CAPN8: variants seen among roughly 807,000 people sequenced by gnomAD.
The protein encoded by CAPN8 is calpain-8.
Under a neutral mutation model 80.9 loss-of-function variants are expected in CAPN8, and 87 were observed. The observed-to-expected ratio is 1.07, with a 90% CI of 0.90 to 1.28. The LOEUF (loss-of-function observed/expected upper bound fraction) is 1.28, where lower values mean the gene tolerates loss of function less well. Among genes scored for constraint, CAPN8 ranks in the 50% most tolerant of loss-of-function variants. The pLI, the probability that CAPN8 is intolerant of heterozygous loss-of-function variation, is 0.00. For missense variants in CAPN8, 757 were observed against 702.0 expected (o/e 1.08, Z -0.89); for synonymous variants, 299 against 273.8 (o/e 1.09, Z -0.91).
intron 19 of CAPN8, among the ~76,000 whole-genome samples, chr1:223,543,811 A>T (rs1656538581): frequency 6.6e-6 from 1 of 152,234 alleles, no homozygotes; most frequent in Admixed American, 6.5e-5. Context: ...GATGCGCAAT[A>T]GTCTGGATGG....
In CAPN8 at chr1:223,543,610, T is replaced by A. The variant is rs564339279; in HGVS notation, c.2030-444A>T. ...GGAAAAATCCCTTCCTAATAAGATA[T>A]CTAATCTCAAGGCCCAAGATGGCAG... On this transcript the variant is annotated intron_variant, in intron 19 of 20. Transcript: ENST00000366872. 2.6e-5 allele frequency among the ~76,000 whole-genome samples: 4 copies of A among 152,146 alleles called. No individual in the cohort carries two copies. The East Asian group carries it at 7.7e-4, about 29-fold the overall frequency.
chr1:223,650,985 G>C (rs1300127229), intron 2 of CAPN8, among the ~76,000 whole-genome samples: 1 of 152,188 alleles, frequency 6.6e-6, no homozygotes, highest in Non-Finnish European at 1.5e-5. Flanking sequence ...GAAGTTTCCT[G>C]AGTGATGTGC....
intron 2 of CAPN8, among the ~76,000 whole-genome samples, chr1:223,638,897 T>G (rs1241537931): frequency 6.6e-6 from 1 of 152,216 alleles, no homozygotes; most frequent in African/African-American, 2.4e-5. Flanking sequence ...TAATGGACCT[T>G]GCACATCTGG....
chr1:223,656,207 G>A (rs1467849202), intron 1 of CAPN8, among the ~76,000 whole-genome samples: 3 of 151,968 alleles, frequency 2.0e-5, no homozygotes, highest in Admixed American at 6.6e-5. Context: ...GGTGGCTCAC[G>A]CCTGTAATCC....
At chr1:223,610,288 A>C (rs1656998993) in intron 11 of CAPN8, among the ~76,000 whole-genome samples, 1 of 152,170 alleles carries the variant, frequency 6.6e-6, no homozygotes, top group Admixed American at 6.5e-5. Context: ...CAGATCTGCT[A>C]AGCAAAGAAG....
intron 2 of CAPN8, among the ~76,000 whole-genome samples, chr1:223,633,481 G>A (rs983526622): frequency 2.0e-5 from 3 of 152,020 alleles, no homozygotes; most frequent in Admixed American, 2.0e-4. Context: ...GGTCAACATG[G>A]TGAAACCCTG....
intron 2 of CAPN8, among the ~76,000 whole-genome samples, chr1:223,634,240 C>T (rs116820687): frequency 1.5e-3 from 233 of 152,220 alleles, no homozygotes; most frequent in African/African-American, 5.4e-3. Context: ...AGGCACTGAA[C>T]GGAGGCTGTG....
intron 13 of CAPN8, among the ~76,000 whole-genome samples, chr1:223,554,103 G>A (rs1656857059): frequency 6.6e-6 from 1 of 152,230 alleles, no homozygotes; most frequent in African/African-American, 2.4e-5. Context: ...CAGCAGGGAT[G>A]AGCAGAGAGG....
intron 2 of CAPN8, among the ~76,000 whole-genome samples, chr1:223,629,163 G>A (rs1044879884): frequency 1.3e-4 from 19 of 150,046 alleles, no homozygotes; most frequent in Non-Finnish European, 2.5e-4. Context: ...AAACATTGAA[G>A]CTGTTAATCC....
intron 2 of CAPN8, chr1:223,628,996 C>T: frequency 1.8e-6 from 1 of 543,042 alleles, no homozygotes; most frequent in East Asian, 3.1e-5. Flanking sequence ...CTCTGCTCCT[C>T]CCTGTGGCTG....
intron 2 of CAPN8, chr1:223,643,962 T>A (rs1658115848): frequency 5.8e-6 from 1 of 173,428 alleles, no homozygotes; most frequent in South Asian, 1.4e-4. Context: ...AAAATTTTTT[T>A]AATACAAACA....
In CAPN8 at chr1:223,614,399, CA is replaced by C. The variant is rs66479503; in HGVS notation, c.1311+1570del. Among the ~76,000 whole-genome samples, 378 of 130,830 alleles carry C rather than the reference CA, an allele frequency of 2.9e-3. 2 individuals are homozygous for C. The highest frequency in any genetic ancestry group is 7.4e-3 in the African/African-American group (262 of 35,366). The allele number at this position is 130,830 out of a possible 152,430, so 85.8% of individuals were successfully genotyped here. ...TGGGCGACATAGTGAGAGTCCGTCT[CA>C]AAAAAAAAAAAAAGGTAGGCCTGAT... On this transcript the variant is annotated intron_variant, in intron 10 of 20. Transcript: ENST00000366872.
intron 9 of CAPN8, chr1:223,618,363 G>T: frequency 6.5e-7 from 1 of 1,529,848 alleles, no homozygotes; most frequent in Non-Finnish European, 8.8e-7. Context: ...GGGTTAGTGC[G>T]GAGGCCATGC....
rs1035445956 is a variant in CAPN8 at position 223,609,200 on chromosome 1, G to A, written c.1488C>T (p.Asp496=). 548 of 398,384 alleles carry A rather than the reference G, an allele frequency of 1.4e-3. No homozygotes were observed. The highest frequency in any genetic ancestry group is 1.8e-3 in the Non-Finnish European group (413 of 226,062). 24.7% of individuals were successfully genotyped at this position (398,384 alleles called of 1,614,324 possible). Residue 496 remains aspartate, a synonymous_variant, in exon 12 of 21, where the codon GAC becomes GAT. Coordinates refer to ENST00000366872, the MANE Select transcript of CAPN8 (RefSeq NM_001143962.2). The part of the protein sequence containing the change: ...VVPSTFEPFK[D]GEFCLRVFSE... ...AGAACACTCTCAAGCAGAACTCGCC[G>A]TCTTTGAAGGGTTCAAATGTGGATG... is the stretch of plus-strand genomic sequence containing the variant.
chr1:223,625,312 A>T (rs1657535048), intron 6 of CAPN8, among the ~76,000 whole-genome samples: 1 of 152,096 alleles, frequency 6.6e-6, no homozygotes, highest in South Asian at 2.1e-4. Flanking sequence ...CTAACTGACA[A>T]TCTCTACAGC....
At chr1:223,543,473 G>A (rs996161191) in intron 19 of CAPN8, among the ~76,000 whole-genome samples, 1 of 152,158 alleles carries the variant, frequency 6.6e-6, no homozygotes, top group African/African-American at 2.4e-5. Flanking sequence ...ACTTTATCAA[G>A]GTCAAACAGA....
At chr1:223,664,609 A>C (rs1658736499) in intron 1 of CAPN8, among the ~76,000 whole-genome samples, 1 of 152,202 alleles carries the variant, frequency 6.6e-6, no homozygotes, top group Non-Finnish European at 1.5e-5. Flanking sequence ...TCCAAAGCTC[A>C]TCCATGCTCT....
At position 223,545,301 on chromosome 1, in the gene CAPN8, T is replaced by C; in HGVS notation, c.1765-2A>G. ...CCCCAAAGTGCCCGTTCCATTGCTC[T>C]AGGCACATTAAAGACCAACATGATT... is the stretch of plus-strand genomic sequence containing the variant. On this transcript the variant is annotated splice_acceptor_variant, in intron 16 of 20. Transcript: ENST00000366872. LOFTEE classifies it high-confidence loss of function. 1.9e-6 allele frequency: 3 copies of C among 1,551,604 alleles called. No individual in the cohort carries two copies. The highest frequency in any genetic ancestry group is 2.6e-6 in the Non-Finnish European group (3 of 1,146,922).
intron 2 of CAPN8, among the ~76,000 whole-genome samples, chr1:223,633,394 T>TAAA (rs71225286): frequency 4.0e-4 from 58 of 144,116 alleles, no homozygotes; most frequent in Middle Eastern, 3.5e-3. Flanking sequence ...AATGCTCTCT[T>TAAA]AAAAAAAAAA....
Sources: gnomAD v4.1 joint callset for allele counts (sites outside exome capture counted in the v4.1 genomes callset) on GRCh38, gnomAD v4.1.1 for gene constraint, MANE v1.5 for transcripts, NCBI Gene and HGNC (gene_info 2026-07-23, HGNC 2026-07-21) for gene names.